Variants in CREBRF observed in about 807,000 individuals in gnomAD.
CREBRF encodes the protein UPF0474 protein C5orf41.
CREBRF carries 5 observed loss-of-function variants against 66.1 expected under a neutral mutation model. That is an observed-to-expected ratio of 0.08 (90% CI 0.04 to 0.16). The LOEUF is 0.16. Among genes scored for constraint, CREBRF ranks in the 10% least tolerant of loss-of-function variants. CREBRF has a pLI of 1.00. For missense variants in CREBRF, 531 were observed against 744.9 expected (o/e 0.71, Z 3.34); for synonymous variants, 229 against 264.4 (o/e 0.87, Z 1.30).
chr5:173,082,003 G>GTTTTTTTTTTGTTTTTTTTTTTTTTTTT, intron 2 of CREBRF, among the ~76,000 whole-genome samples: 1 of 78,076 alleles, frequency 1.3e-5, no homozygotes, highest in South Asian at 5.1e-4. Flanking sequence ...TCAAGGTTTA[G>GTTTTTTTTTTGTTTTTTTTTTTTTTTTT]TTTTTTTTTT....
intron 1 of CREBRF, among the ~76,000 whole-genome samples, chr5:173,064,852 C>A (rs1757387169): frequency 6.6e-6 from 1 of 152,136 alleles, no homozygotes; most frequent in African/African-American, 2.4e-5. Context: ...GTGTGAGCCA[C>A]TGCGCCTGGC....
chr5:173,089,729 A>G (rs1200880347), intron 3 of CREBRF, among the ~76,000 whole-genome samples: 2 of 151,894 alleles, frequency 1.3e-5, no homozygotes, highest in African/African-American at 4.8e-5. Flanking sequence ...CTGCCTGCCC[A>G]AGTGTTGTTA....
Position 173,086,498 on chromosome 5 carries a change from T to C in CREBRF, c.10-3T>C. 1.9e-6 allele frequency: 3 copies of C among 1,612,820 alleles called. No homozygotes were observed. Among genetic ancestry groups the C allele is most frequent in the Non-Finnish European group, 2.5e-6 (3 of 1,179,652 alleles). On this transcript the variant is annotated splice_polypyrimidine_tract_variant and splice_region_variant and intron_variant, in intron 2 of 8. Coordinates refer to ENST00000296953, the MANE Select transcript of CREBRF (RefSeq NM_153607.3). Reference sequence around the variant, plus strand: ...TTCTAAAATAAAAATCACTCTGTTGTAGCCTAGTGTAAGCGGAATGGATCC... The same window carrying C: ...TTCTAAAATAAAAATCACTCTGTTGCAGCCTAGTGTAAGCGGAATGGATCC...
intron 4 of CREBRF, among the ~76,000 whole-genome samples, chr5:173,107,382 T>C (rs1190246764): frequency 6.6e-6 from 1 of 152,166 alleles, no homozygotes; most frequent in Non-Finnish European, 1.5e-5. Context: ...GGCCATTCTC[T>C]GAGGGTATTT....
intron 7 of CREBRF, among the ~76,000 whole-genome samples, chr5:173,117,573 C>A (rs1234461999): frequency 1.9e-5 from 1 of 53,354 alleles, no homozygotes; most frequent in African/African-American, 5.9e-5. Context: ...CTCCCTCCCT[C>A]CCTCCCTCCT....
At chr5:173,056,507 C>T (rs1275236385) in intron 1 of CREBRF, 28 bp downstream of exon 1, 1 of 398,194 alleles carries the variant, frequency 2.5e-6, no homozygotes, top group Admixed American at 4.4e-5. Flanking sequence ...CTGCTCGGAA[C>T]CCCCAGGGGC....
intron 4 of CREBRF, among the ~76,000 whole-genome samples, chr5:173,098,824 C>G (rs1465406482): frequency 1.3e-5 from 2 of 151,548 alleles, no homozygotes; most frequent in African/African-American, 4.8e-5. Flanking sequence ...ATCAACAAAC[C>G]CTTTATTATT....
intron 1 of CREBRF, among the ~76,000 whole-genome samples, chr5:173,059,831 G>C (rs924845193): frequency 6.6e-6 from 1 of 152,162 alleles, no homozygotes; most frequent in African/African-American, 2.4e-5. Context: ...TGGTATATCA[G>C]CTTTGGGTTT....
At position 173,091,275 on chromosome 5, in the gene CREBRF, G is replaced by T; in HGVS notation, c.1096G>T (p.Asp366Tyr). Residue 366 changes from aspartate to tyrosine, a missense_variant, in exon 4 of 9, where the codon GAT becomes TAT. Physicochemically the swap from Asp to Tyr is radical, Grantham distance 160. Coordinates refer to ENST00000296953, the MANE Select transcript of CREBRF (RefSeq NM_153607.3). Reference protein sequence around the residue: ...EDEEDEEDVDDEDHDEGFGSE... With the variant: ...EDEEDEEDVDYEDHDEGFGSE... ...TGAGGAGGACGAGGAGGATGTTGAT[G>T]ATGAGGACCATGATGAAGGATTCGG... The T allele has an allele frequency of 6.2e-7, 1 of 1,613,786 alleles. No individual in the cohort carries two copies. Among genetic ancestry groups the T allele is most frequent in the South Asian group, 1.1e-5 (1 of 91,042 alleles).
At chr5:173,114,634 T>C (rs988843298) in intron 7 of CREBRF, among the ~76,000 whole-genome samples, 1 of 152,220 alleles carries the variant, frequency 6.6e-6, no homozygotes, top group African/African-American at 2.4e-5. Context: ...TAATATGTCA[T>C]GAACTGGCAT....
intron 4 of CREBRF, among the ~76,000 whole-genome samples, chr5:173,099,875 A>C (rs1758570942): frequency 6.6e-6 from 1 of 150,992 alleles, no homozygotes; most frequent in Admixed American, 6.6e-5. Flanking sequence ...TCCCTTAAGA[A>C]ATTATTTTAT....
chr5:173,131,398 T>C (rs114757199), intron 8 of CREBRF, among the ~76,000 whole-genome samples: 1 of 152,206 alleles, frequency 6.6e-6, no homozygotes, highest in African/African-American at 2.4e-5. Context: ...TAGCATTTTT[T>C]TGTGTGTGTG....
chr5:173,074,593 A>G (rs1394623938), intron 1 of CREBRF, among the ~76,000 whole-genome samples: 1 of 151,410 alleles, frequency 6.6e-6, no homozygotes, highest in South Asian at 2.1e-4. Context: ...CCCATATTTT[A>G]TTTTTTATTT....
intron 2 of CREBRF, among the ~76,000 whole-genome samples, chr5:173,084,846 T>C (rs28776818): frequency 0.062 from 9,481 of 152,232 alleles, 352 homozygotes; most frequent in Middle Eastern, 0.17. Flanking sequence ...GGGGTTTCAC[T>C]GTGTTAGCCA....
chr5:173,088,517 CA>C (rs1368423097), intron 3 of CREBRF, among the ~76,000 whole-genome samples: 13 of 147,282 alleles, frequency 8.8e-5, no homozygotes, highest in Non-Finnish European at 1.6e-4. Flanking sequence ...ATGAATGCAT[CA>C]AAAATGGTAA....
rs1758939337 is a variant in CREBRF, at chr5:173,114,557, G to A, written c.1681+2178G>A. Among the ~76,000 whole-genome samples the A allele has an allele frequency of 2.6e-5, 4 of 152,240 alleles. No individual in the cohort carries two copies. In the South Asian group the frequency reaches 8.3e-4, roughly 32 times the overall value. Reference sequence around the variant, plus strand: ...TTTTAGTATTAAAAATTTGAGAAGGGCATAATCTCATAATAGAAAATAAAT... The same window carrying A: ...TTTTAGTATTAAAAATTTGAGAAGGACATAATCTCATAATAGAAAATAAAT... On this transcript the variant is annotated intron_variant, in intron 7 of 8. Transcript: ENST00000296953.
At chr5:173,086,405 T>A (rs577220927) in intron 2 of CREBRF, 96 bp from the exon 3 acceptor site, 30 of 1,091,558 alleles carry the variant, frequency 2.7e-5, no homozygotes, top group Non-Finnish European at 4.0e-5. Context: ...CTGAAAAGAA[T>A]AAGTTACTTA....
chr5:173,098,249 G>T (rs147659891), intron 4 of CREBRF, among the ~76,000 whole-genome samples: 3 of 150,132 alleles, frequency 2.0e-5, no homozygotes, highest in Non-Finnish European at 3.0e-5. Context: ...GCGCAGTGGC[G>T]CAATCTCTGC....
chr5:173,058,037 CT>C (rs562447555), intron 1 of CREBRF, among the ~76,000 whole-genome samples: 358 of 142,628 alleles, frequency 2.5e-3, no homozygotes, highest in Non-Finnish European at 2.6e-3. Context: ...CCTGGAATTT[CT>C]TTTTTTTTTT....
Sources: gnomAD v4.1 joint callset for allele counts (sites outside exome capture counted in the v4.1 genomes callset) on GRCh38, gnomAD v4.1.1 for gene constraint, MANE v1.5 for transcripts, NCBI Gene and HGNC (gene_info 2026-07-23, HGNC 2026-07-21) for gene names.